The following NCKAP5 variants were observed in gnomAD, a reference collection of about 807,000 sequenced individuals.
The protein encoded by NCKAP5 is NCK associated protein 5, also known as nck-associated protein 5.
Under a neutral mutation model 167.0 loss-of-function variants are expected in NCKAP5, and 92 were observed. The ratio of observed to expected loss-of-function variants is 0.55; its 90% confidence interval spans 0.47 to 0.66. The LOEUF is 0.66. Among genes scored for constraint, NCKAP5 ranks in the 30% least tolerant of loss-of-function variants. The probability of loss-of-function intolerance (pLI) is 0.00; values close to 1 mark genes in which losing one functional copy is unlikely to be tolerated. For missense variants in NCKAP5, 2,378 were observed against 2,315.0 expected, an observed-to-expected ratio of 1.03 and a Z score of -0.56; for synonymous variants, 891 against 877.4, an observed-to-expected ratio of 1.02 and a Z score of -0.27.
chr2:132,872,894 G>A (rs1690940640), intron 9 of NCKAP5, among the ~76,000 whole-genome samples: 2 of 152,082 alleles, frequency 1.3e-5, no homozygotes, highest in African/African-American at 2.4e-5. Flanking sequence ...CGCAGGGGAT[G>A]GGAGAGAAAT....
chr2:133,615,923 T>C, the NCKAP5 span, among the ~76,000 whole-genome samples: 3 of 151,112 alleles, frequency 2.0e-5, no homozygotes, highest in Non-Finnish European at 2.9e-5. Context: ...TCAGCAAATG[T>C]AAAAGAACAG....
At chr2:133,575,942 GT>G in the NCKAP5 span, among the ~76,000 whole-genome samples, 32 of 152,352 alleles carry the variant, frequency 2.1e-4, no homozygotes, top group South Asian at 6.2e-4. Context: ...AAGCCAGACT[GT>G]GGTCACCTTG....
At chr2:133,012,966 G>A (rs543276583) in intron 6 of NCKAP5, among the ~76,000 whole-genome samples, 20 of 152,142 alleles carry the variant, frequency 1.3e-4, no homozygotes, top group South Asian at 4.2e-4. Flanking sequence ...GCCTTCTCTC[G>A]TCTTTCTTAT....
chr2:133,479,630 A>C (rs112156407), intron 3 of NCKAP5, among the ~76,000 whole-genome samples: 1 of 152,248 alleles, frequency 6.6e-6, no homozygotes, highest in African/African-American at 2.4e-5. Context: ...TACAAACAGT[A>C]TGTATCAACA....
intron 5 of NCKAP5, among the ~76,000 whole-genome samples, chr2:133,133,126 T>C (rs888658629): frequency 6.6e-6 from 1 of 152,236 alleles, no homozygotes; most frequent in Non-Finnish European, 1.5e-5. Context: ...CTCTGGATCT[T>C]TCCCAGCAGA....
chr2:133,643,056 G>A, the NCKAP5 span, among the ~76,000 whole-genome samples: 1 of 151,790 alleles, frequency 6.6e-6, no homozygotes, highest in African/African-American at 2.4e-5. Flanking sequence ...CATGTCATCT[G>A]AGAAGAAAGG....
chr2:133,435,906 G>C (rs1378599311), intron 3 of NCKAP5, among the ~76,000 whole-genome samples: 1 of 152,038 alleles, frequency 6.6e-6, no homozygotes, highest in Non-Finnish European at 1.5e-5. Context: ...GGCTGACCTT[G>C]AGTCACCTCA....
chr2:133,013,372 G>T (rs1207262317), intron 6 of NCKAP5, among the ~76,000 whole-genome samples: 2 of 152,176 alleles, frequency 1.3e-5, no homozygotes, highest in Admixed American at 6.5e-5. Flanking sequence ...ATTTACAAAA[G>T]ATAAACATTT....
At chr2:133,258,304 A>G (rs2088723240) in intron 4 of NCKAP5, among the ~76,000 whole-genome samples, 1 of 152,106 alleles carries the variant, frequency 6.6e-6, no homozygotes, top group East Asian at 1.9e-4. Flanking sequence ...CTCCTCACTC[A>G]AATCCAACCT....
At chr2:133,572,479 T>C (rs1323231052), upstream of NCKAP5, among the ~76,000 whole-genome samples, 3 of 152,236 alleles carry the variant, frequency 2.0e-5, no homozygotes, top group African/African-American at 7.2e-5. Context: ...CCTAGGGCAT[T>C]ACTGTGCAGT....
Position 133,130,068 on chromosome 2 carries a change from C to A in NCKAP5, c.251G>T (p.Arg84Leu), listed in dbSNP as rs777479794. ...IHELEEERHL[R>L]LQSEKRLQEV... ...CTGCAACCGCTTCTCGCTTTGAAGA[C>A]GTAAGTGTCTCTCCTCTTCCAGTTC... Residue 84 changes from arginine (R) to leucine (L), a missense_variant, in exon 6 of 20, where the codon CGT (arginine) becomes CTT (leucine). Coordinates refer to ENST00000409261, the MANE Select transcript of NCKAP5 (RefSeq NM_207363.3). 1.2e-6 allele frequency: 2 copies of A among 1,611,972 alleles called. No homozygotes were observed. The highest frequency in any genetic ancestry group is 4.5e-5 in the East Asian group (2 of 44,782).
chr2:133,414,702 A>G (rs897938064), intron 3 of NCKAP5, among the ~76,000 whole-genome samples: 2 of 152,082 alleles, frequency 1.3e-5, no homozygotes, highest in Admixed American at 6.6e-5. Context: ...AGGAGTTGGC[A>G]TTTTTCCTGG....
chr2:132,692,182 G>T (rs1686822070), intron 19 of NCKAP5, among the ~76,000 whole-genome samples: 1 of 148,654 alleles, frequency 6.7e-6, no homozygotes, highest in African/African-American at 2.5e-5. Context: ...TCACTCTATT[G>T]CCCAGGCTGG....
chr2:132,838,017 ATCCCTGTTAC>A (rs2105403783), intron 11 of NCKAP5, among the ~76,000 whole-genome samples: 2 of 152,242 alleles, frequency 1.3e-5, no homozygotes, highest in African/African-American at 4.8e-5. Context: ...CCCTCTTGTG[ATCCCTGTTAC>A]TCTGGCCTTC....
intron 8 of NCKAP5, among the ~76,000 whole-genome samples, chr2:132,925,683 G>A (rs1009624121): frequency 1.3e-5 from 2 of 152,102 alleles, no homozygotes; most frequent in Non-Finnish European, 2.9e-5. Context: ...GTGCAGCCTG[G>A]TTTCTAACAG....
At chr2:133,282,762 G>A (rs182585740) in intron 4 of NCKAP5, among the ~76,000 whole-genome samples, 290 of 152,242 alleles carry the variant, frequency 1.9e-3, no homozygotes, top group Non-Finnish European at 2.4e-3. Context: ...AAAGAGCTAC[G>A]GCTACAAAGA....
chr2:133,659,857 T>A, the NCKAP5 span, among the ~76,000 whole-genome samples: 1 of 152,178 alleles, frequency 6.6e-6, no homozygotes. Context: ...AATATATGCA[T>A]CTAACCATTG....
chr2:133,390,055 T>G (rs1182848944), intron 3 of NCKAP5, among the ~76,000 whole-genome samples: 3 of 152,144 alleles, frequency 2.0e-5, no homozygotes, highest in Admixed American at 6.5e-5. Context: ...TACCCACAAC[T>G]AAGGATGGCA....
At chr2:133,238,983 T>C (rs769186985) in intron 4 of NCKAP5, among the ~76,000 whole-genome samples, 1 of 152,202 alleles carries the variant, frequency 6.6e-6, no homozygotes, top group Non-Finnish European at 1.5e-5. Context: ...CCCCAATTCC[T>C]TTATGAGGTC....
Sources: gnomAD v4.1 joint callset for allele counts (sites outside exome capture counted in the v4.1 genomes callset) on GRCh38, gnomAD v4.1.1 for gene constraint, MANE v1.5 for transcripts, NCBI Gene and HGNC (gene_info 2026-07-23, HGNC 2026-07-21) for gene names.